Variants in TNKS observed in about 807,000 individuals in gnomAD.
The protein encoded by TNKS is tankyrase.
Under a neutral mutation model 135.8 loss-of-function variants are expected in TNKS, and 72 were observed. That is an observed-to-expected ratio of 0.53 (90% CI 0.44 to 0.64). The LOEUF (loss-of-function observed/expected upper bound fraction) is 0.64. Ranked by LOEUF, TNKS falls within the 30% of genes least tolerant of loss-of-function variation. TNKS has a pLI of 0.00. For missense variants in TNKS, 1,769 were observed against 1,674.0 expected (o/e 1.06, Z -0.99); for synonymous variants, 849 against 649.3 (o/e 1.31, Z -4.68).
At chr8:9,736,232 C>A (rs918785068) in intron 17 of TNKS, among the ~76,000 whole-genome samples, 1 of 150,630 alleles carries the variant, frequency 6.6e-6, no homozygotes. Flanking sequence ...TAAAAATATT[C>A]GAGTAGCAGG....
intron 5 of TNKS, among the ~76,000 whole-genome samples, chr8:9,693,265 T>A (rs781637168): frequency 6.6e-6 from 1 of 152,134 alleles, no homozygotes; most frequent in African/African-American, 2.4e-5. Context: ...CAGACAGATA[T>A]GTACTAATAT....
chr8:9,683,005 A>G (rs1252869938), intron 5 of TNKS, among the ~76,000 whole-genome samples: 1 of 152,018 alleles, frequency 6.6e-6, no homozygotes, highest in Non-Finnish European at 1.5e-5. Context: ...TTTTCAAATT[A>G]AATTAGATAG....
At chr8:9,761,842 G>A (rs1266046179) in intron 21 of TNKS, among the ~76,000 whole-genome samples, 1 of 152,084 alleles carries the variant, frequency 6.6e-6, no homozygotes, top group African/African-American at 2.4e-5. Context: ...CCAACACTTT[G>A]TATCCTCAAT....
At chr8:9,664,466 G>A (rs1180948845) in intron 3 of TNKS, among the ~76,000 whole-genome samples, 2 of 152,070 alleles carry the variant, frequency 1.3e-5, no homozygotes, top group Non-Finnish European at 2.9e-5. Context: ...CTCCAACATT[G>A]GGCATCCAAT....
chr8:9,658,992 C>CATT (rs1801563861), intron 3 of TNKS, among the ~76,000 whole-genome samples: 5 of 152,146 alleles, frequency 3.3e-5, no homozygotes, highest in Non-Finnish European at 7.3e-5. Flanking sequence ...CAAAGAAGGC[C>CATT]CTTACATAAT....
At chr8:9,697,065 A>G (rs1352172037) in intron 5 of TNKS, among the ~76,000 whole-genome samples, 3 of 152,182 alleles carry the variant, frequency 2.0e-5, no homozygotes, top group Admixed American at 1.3e-4. Flanking sequence ...TCAGGCTACA[A>G]TAAAGAAAAC....
intron 3 of TNKS, among the ~76,000 whole-genome samples, chr8:9,661,868 A>T (rs900341419): frequency 2.0e-5 from 3 of 152,192 alleles, no homozygotes; most frequent in South Asian, 2.1e-4. Context: ...GAATTTACAA[A>T]GAACTCAAAC....
chr8:9,729,103 G>C (rs529315305), intron 13 of TNKS, among the ~76,000 whole-genome samples: 127 of 152,266 alleles, frequency 8.3e-4, no homozygotes, highest in African/African-American at 3.0e-3. Context: ...TCTTCTGGAG[G>C]GGACAAATGC....
chr8:9,656,588 A>G (rs535717084), intron 3 of TNKS, among the ~76,000 whole-genome samples: 72 of 151,008 alleles, frequency 4.8e-4, no homozygotes, highest in African/African-American at 1.7e-3. Flanking sequence ...CCAATATTCA[A>G]CATTCTTAAA....
Position 9,706,979 on chromosome 8 carries a change from C to T in TNKS, c.1438C>T (p.Leu480Phe). 1 of 1,598,040 alleles carries T rather than the reference C, an allele frequency of 6.3e-7. No homozygotes were observed. Among genetic ancestry groups the T allele is most frequent in the Non-Finnish European group, 8.5e-7 (1 of 1,173,462 alleles). Residue 480 changes from leucine (L) to phenylalanine (F), a missense_variant, in exon 8 of 27, where the codon CTT becomes TTT. Leu to Phe is a conservative substitution (Grantham distance 22). This residue lies in a region of TNKS where 523 missense variants were observed against 541.0 expected (regional missense o/e 0.97). Coordinates refer to ENST00000310430, the MANE Select transcript of TNKS (RefSeq NM_003747.3). Reference protein sequence around the residue: ...SAVDMAPTPELRERLTYEFKG... With the variant: ...SAVDMAPTPEFRERLTYEFKG... ...TGTGGATATGGCTCCAACTCCGGAG[C>T]TTAGGGAGAGATTGACTTGTACGTA... is the stretch of plus-strand genomic sequence containing the variant.
intron 3 of TNKS, among the ~76,000 whole-genome samples, chr8:9,617,505 A>C (rs1380936761): frequency 6.6e-6 from 1 of 152,216 alleles, no homozygotes; most frequent in East Asian, 1.9e-4. Context: ...TAATATGGTT[A>C]ATTTTGTTGG....
At chr8:9,698,643 C>T (rs1178991411) in intron 5 of TNKS, among the ~76,000 whole-genome samples, 1 of 152,130 alleles carries the variant, frequency 6.6e-6, no homozygotes, top group African/African-American at 2.4e-5. Context: ...GATTTAAAAG[C>T]CTTTATTCAT....
At chr8:9,610,701 T>C (rs1319383641) in intron 2 of TNKS, among the ~76,000 whole-genome samples, 2 of 152,328 alleles carry the variant, frequency 1.3e-5, no homozygotes, top group East Asian at 3.9e-4. Flanking sequence ...TAGATGCTTA[T>C]AATTTTAAAG....
chr8:9,711,224 G>C (rs1804318016), intron 11 of TNKS, among the ~76,000 whole-genome samples: 1 of 152,120 alleles, frequency 6.6e-6, no homozygotes, highest in South Asian at 2.1e-4. Context: ...AGGAAATTCA[G>C]ATTTACCAAT....
chr8:9,635,938 G>C (rs544747644), intron 3 of TNKS, among the ~76,000 whole-genome samples: 1 of 152,228 alleles, frequency 6.6e-6, no homozygotes, highest in South Asian at 2.1e-4. Flanking sequence ...GCTATAATAG[G>C]AATGACTGAC....
chr8:9,605,248 T>C (rs1799170486), intron 2 of TNKS, among the ~76,000 whole-genome samples: 1 of 152,084 alleles, frequency 6.6e-6, no homozygotes. Context: ...TTTTCCCTTC[T>C]AGAAATATGT....
chr8:9,656,700 G>A (rs1007655891), intron 3 of TNKS, among the ~76,000 whole-genome samples: 2 of 150,112 alleles, frequency 1.3e-5, no homozygotes, highest in Non-Finnish European at 3.0e-5. Context: ...GGACAATAGT[G>A]GAGGGAAGGT....
chr8:9,706,758 A>G, intron 7 of TNKS, 53 bp from the exon 8 acceptor site: 4 of 1,515,930 alleles, frequency 2.6e-6, no homozygotes, highest in Non-Finnish European at 3.6e-6. Context: ...TTTGAGTTTT[A>G]TTTGATCCAG....
chr8:9,580,117 A>T, intron 1 of TNKS, 42 bp from the exon 2 acceptor site: 1 of 1,558,500 alleles, frequency 6.4e-7, no homozygotes, highest in South Asian at 1.1e-5. Flanking sequence ...TCTTTTTACA[A>T]AATCAAATAT....
Sources: gnomAD v4.1 joint callset for allele counts (sites outside exome capture counted in the v4.1 genomes callset) on GRCh38, gnomAD v4.1.1 for gene constraint, gnomAD v4.1.1 regional missense constraint, MANE v1.5 for transcripts, NCBI Gene and HGNC (gene_info 2026-07-23, HGNC 2026-07-21) for gene names.